Variants in SH3GL2 observed in about 807,000 individuals in gnomAD.
The protein encoded by SH3GL2 is SH3 domain containing GRB2 like 2, endophilin A1.
SH3GL2 carries 24 observed loss-of-function variants against 46.0 expected under a neutral mutation model. That is an observed-to-expected ratio of 0.52 (90% CI 0.38 to 0.73). SH3GL2 has a LOEUF of 0.73. SH3GL2 is among the 30% of genes least tolerant of loss of function. The probability of loss-of-function intolerance (pLI) is 0.00; values close to 1 mark genes in which losing one functional copy is unlikely to be tolerated. For synonymous variants in SH3GL2, 196 were observed against 147.1 expected, an observed-to-expected ratio of 1.33 and a Z score of -2.40; for missense variants, 413 against 424.2, an observed-to-expected ratio of 0.97 and a Z score of 0.23.
intron 1 of SH3GL2, among the ~76,000 whole-genome samples, chr9:17,679,301 A>G (rs1183156773): frequency 1.3e-5 from 2 of 151,926 alleles, no homozygotes; most frequent in Non-Finnish European, 2.9e-5. Flanking sequence ...TTCCTCTTTT[A>G]TTTCGTTGAG....
chr9:17,666,049 C>T (rs888663079), intron 1 of SH3GL2, among the ~76,000 whole-genome samples: 37 of 151,436 alleles, frequency 2.4e-4, no homozygotes, highest in Admixed American at 5.9e-4. Flanking sequence ...CTTATTTGCT[C>T]ACTTTTAACA....
chr9:17,768,829 C>A (rs1823392570), intron 3 of SH3GL2, among the ~76,000 whole-genome samples: 1 of 152,180 alleles, frequency 6.6e-6, no homozygotes, highest in Non-Finnish European at 1.5e-5. Context: ...TTTCATGCTA[C>A]CTTTATATCA....
At position 17,754,291 on chromosome 9, in the gene SH3GL2, T is replaced by C. The variant is rs187889142; in HGVS notation, c.115-7146T>C. On this transcript the variant is annotated intron_variant, in intron 2 of 8. Transcript: ENST00000380607. Reference sequence around the variant, plus strand: ...GAGCAGTATGGCCATTTTGATGATATTGAGTCTTCCTATCCATGAGCATGG... The same window carrying C: ...GAGCAGTATGGCCATTTTGATGATACTGAGTCTTCCTATCCATGAGCATGG... Among the ~76,000 whole-genome samples, 410 of 152,312 alleles carry C rather than the reference T, an allele frequency of 2.7e-3. 7 individuals are homozygous for C. Among genetic ancestry groups the C allele is most frequent in the African/African-American group, 8.9e-3 (371 of 41,576 alleles).
intron 3 of SH3GL2, among the ~76,000 whole-genome samples, chr9:17,785,277 T>C (rs1185575565): frequency 6.6e-6 from 1 of 152,190 alleles, no homozygotes. Context: ...TACTTCACTC[T>C]AATTAATTTT....
intron 2 of SH3GL2, 63 bp from the exon 3 acceptor site, chr9:17,761,374 C>A: frequency 9.4e-7 from 1 of 1,067,156 alleles, no homozygotes; most frequent in South Asian, 1.3e-5. Context: ...CAGACTCAAC[C>A]AAAAACCGGT....
chr9:17,729,215 C>T (rs1048550190), intron 1 of SH3GL2, among the ~76,000 whole-genome samples: 8 of 152,056 alleles, frequency 5.3e-5, no homozygotes, highest in South Asian at 4.2e-4. Context: ...CTCTAATGAC[C>T]GGTGATGATG....
chr9:17,738,641 T>TATATATATAGAGAGAGAGAGAGAGAGAG (rs376280314), intron 1 of SH3GL2, among the ~76,000 whole-genome samples: 1 of 88,890 alleles, frequency 1.1e-5, no homozygotes, highest in Non-Finnish European at 2.3e-5. Context: ...TATATATATA[T>TATATATATAGAGAGAGAGAGAGAGAGAG]AGAGAGAGAG....
At chr9:17,675,770 C>A (rs1357626863) in intron 1 of SH3GL2, among the ~76,000 whole-genome samples, 1 of 152,084 alleles carries the variant, frequency 6.6e-6, no homozygotes, top group Non-Finnish European at 1.5e-5. Flanking sequence ...CATGGTGAAA[C>A]CCTGTGTCTA....
intron 3 of SH3GL2, among the ~76,000 whole-genome samples, chr9:17,778,232 C>T (rs1041258741): frequency 6.6e-6 from 1 of 152,116 alleles, no homozygotes; most frequent in Non-Finnish European, 1.5e-5. Flanking sequence ...GAAATCCATT[C>T]ATTTTTTTCA....
At chr9:17,608,157 T>TTTC (rs1382091924) in intron 1 of SH3GL2, among the ~76,000 whole-genome samples, 1 of 147,712 alleles carries the variant, frequency 6.8e-6, no homozygotes, top group Non-Finnish European at 1.5e-5. Flanking sequence ...CTTTTTTTTT[T>TTTC]TTTTTTTTGA....
chr9:17,761,156 T>C lies in SH3GL2; in HGVS notation c.115-281T>C, dbSNP rs185296398. On this transcript the variant is annotated intron_variant, in intron 2 of 8. Transcript: ENST00000380607. ...CTGGGACAAAATATGTTTCATTTTA[T>C]TCACCTTATTTTCACCAGAAGGTAA... is the stretch of plus-strand genomic sequence containing the variant. Among the ~76,000 whole-genome samples the C allele has an allele frequency of 6.6e-5, 10 of 152,236 alleles. No individual in the cohort carries two copies. In the East Asian group the frequency reaches 1.9e-3, roughly 29 times the overall value.
At chr9:17,695,690 C>CT (rs959831926) in intron 1 of SH3GL2, among the ~76,000 whole-genome samples, 1 of 151,866 alleles carries the variant, frequency 6.6e-6, no homozygotes, top group African/African-American at 2.4e-5. Flanking sequence ...ATCACAACCT[C>CT]TTTTTTTCAG....
At chr9:17,581,519 C>G (rs992323627) in intron 1 of SH3GL2, among the ~76,000 whole-genome samples, 3 of 152,122 alleles carry the variant, frequency 2.0e-5, no homozygotes, top group Non-Finnish European at 2.9e-5. Flanking sequence ...ATGTAAAGCC[C>G]ATGTTAATGT....
chr9:17,730,064 T>G (rs537525115), intron 1 of SH3GL2, among the ~76,000 whole-genome samples: 71 of 152,186 alleles, frequency 4.7e-4, no homozygotes, highest in Non-Finnish European at 8.8e-4. Flanking sequence ...TATGGCCGTT[T>G]TCATGATACT....
chr9:17,750,034 T>G (rs1162661135), intron 2 of SH3GL2, among the ~76,000 whole-genome samples: 1 of 152,212 alleles, frequency 6.6e-6, no homozygotes, highest in Non-Finnish European at 1.5e-5. Context: ...TGTTTTACTC[T>G]TTTTGATTCT....
intron 1 of SH3GL2, among the ~76,000 whole-genome samples, chr9:17,683,332 A>G (rs1210667266): frequency 6.6e-6 from 1 of 152,068 alleles, no homozygotes; most frequent in African/African-American, 2.4e-5. Flanking sequence ...GGCAAGCAGC[A>G]ACCACTGCAA....
chr9:17,626,548 G>A (rs1019812595), intron 1 of SH3GL2, among the ~76,000 whole-genome samples: 4 of 152,164 alleles, frequency 2.6e-5, no homozygotes, highest in African/African-American at 7.2e-5. Context: ...TTTTTAAAGA[G>A]TAAAACAATG....
At chr9:17,685,551 G>T (rs554888168) in intron 1 of SH3GL2, among the ~76,000 whole-genome samples, 1 of 152,118 alleles carries the variant, frequency 6.6e-6, no homozygotes, top group South Asian at 2.1e-4. Flanking sequence ...GGAAGACCTA[G>T]GTTTTCTTCT....
intron 1 of SH3GL2, among the ~76,000 whole-genome samples, chr9:17,655,175 C>T (rs1054098393): frequency 6.6e-6 from 1 of 152,192 alleles, no homozygotes; most frequent in East Asian, 1.9e-4. Context: ...AGAAACTTCA[C>T]AGTCCAACAG....
Sources: allele counts gnomAD v4.1 joint callset (sites outside exome capture counted in the v4.1 genomes callset), GRCh38; gene constraint gnomAD v4.1.1; transcripts MANE v1.5; gene names NCBI Gene and HGNC (gene_info 2026-07-23, HGNC 2026-07-21).